Variants in IQGAP2 observed in about 807,000 individuals in gnomAD.
IQGAP2 encodes the protein IQ motif containing GTPase activating protein 2.
Under a neutral mutation model 201.3 loss-of-function variants are expected in IQGAP2, and 173 were observed. The observed-to-expected ratio is 0.86, with a 90% CI of 0.76 to 0.98. IQGAP2 has a LOEUF of 0.98. Ranked by LOEUF, IQGAP2 falls within the 50% of genes least tolerant of loss-of-function variation. IQGAP2 has a pLI of 0.00. For synonymous variants in IQGAP2, 675 were observed against 673.9 expected, an observed-to-expected ratio of 1.00 and a Z score of -0.03; for missense variants, 1,687 against 1,864.8, an observed-to-expected ratio of 0.90 and a Z score of 1.76.
chr5:76,403,659 A>T lies in IQGAP2; in HGVS notation c.46+68A>T. 1 of 1,328,964 alleles carries T rather than the reference A, an allele frequency of 7.5e-7. No individual in the cohort carries two copies. Among genetic ancestry groups the T allele is most frequent in the Non-Finnish European group, 9.9e-7 (1 of 1,006,094 alleles). 82.3% of individuals were successfully genotyped at this position (1,328,964 alleles called of 1,614,324 possible). A position where few individuals can be genotyped will look rare whatever the true frequency, so the allele number is the denominator to read the frequency against. On this transcript the variant is annotated intron_variant, in intron 1 of 35. Transcript: ENST00000274364. The surrounding 1 kb of genome is among the most constrained non-coding windows in gnomAD (Gnocchi z 4.8). The stretch of plus-strand genomic sequence containing the variant: ...GCTCCCTCCCCGAGGACGGCGTTGG[A>T]GAAGCCGAGGGAGCCGGTTGCGCGG...
intron 1 of IQGAP2, among the ~76,000 whole-genome samples, chr5:76,443,488 T>G (rs1397440996): frequency 1.3e-5 from 2 of 149,770 alleles, no homozygotes; most frequent in Non-Finnish European, 3.0e-5. Flanking sequence ...TTTTTTTAAT[T>G]AAAAAAAAAT....
chr5:76,426,922 G>GTGTGTGTA, intron 1 of IQGAP2, among the ~76,000 whole-genome samples: 1 of 151,992 alleles, frequency 6.6e-6, no homozygotes, highest in Admixed American at 6.6e-5. Context: ...GTGTGTGTGT[G>GTGTGTGTA]TGTGTGTGTG....
At chr5:76,489,023 C>T (rs753578527) in intron 2 of IQGAP2, among the ~76,000 whole-genome samples, 1 of 152,214 alleles carries the variant, frequency 6.6e-6, no homozygotes, top group Non-Finnish European at 1.5e-5. Flanking sequence ...CTGGAAAAGG[C>T]TGACCCCAGA....
At chr5:76,657,384 G>A (rs148885606) in intron 20 of IQGAP2, among the ~76,000 whole-genome samples, 12 of 152,294 alleles carry the variant, frequency 7.9e-5, no homozygotes, top group Non-Finnish European at 1.3e-4. Flanking sequence ...TGCTTCAGTG[G>A]TCAGGAAATA....
At chr5:76,496,665 A>G (rs1756906446) in intron 2 of IQGAP2, among the ~76,000 whole-genome samples, 1 of 152,132 alleles carries the variant, frequency 6.6e-6, no homozygotes, top group Non-Finnish European at 1.5e-5. Flanking sequence ...TTCAAACAGT[A>G]GAGGAAAACG....
Position 76,569,459 on chromosome 5 carries a change from C to A in IQGAP2, c.304-1121C>A, listed in dbSNP as rs573486110. 8.6e-5 allele frequency among the ~76,000 whole-genome samples: 13 copies of A among 151,968 alleles called. No homozygotes were observed. In the South Asian group the frequency reaches 2.5e-3, roughly 29 times the overall value. ...AAAAAAAAAATAGGAATGATAATTACCTTTCAGGGTGTTTTGAAAATTAGG... is the reference window on the plus strand; with the variant it reads ...AAAAAAAAAATAGGAATGATAATTAACTTTCAGGGTGTTTTGAAAATTAGG... On this transcript the variant is annotated intron_variant, in intron 3 of 35. Transcript: ENST00000274364.
At chr5:76,497,420 A>G (rs567535277) in intron 2 of IQGAP2, among the ~76,000 whole-genome samples, 102 of 152,350 alleles carry the variant, frequency 6.7e-4, no homozygotes, top group African/African-American at 2.3e-3. Flanking sequence ...AATCTTTTCT[A>G]AAATGTAAAA....
At chr5:76,492,882 G>T (rs527278087) in intron 2 of IQGAP2, among the ~76,000 whole-genome samples, 1 of 152,152 alleles carries the variant, frequency 6.6e-6, no homozygotes, top group African/African-American at 2.4e-5. Flanking sequence ...CACCTTAGTT[G>T]TCACGTTTCT....
At chr5:76,509,629 C>T (rs1181646890) in intron 2 of IQGAP2, among the ~76,000 whole-genome samples, 3 of 152,092 alleles carry the variant, frequency 2.0e-5, no homozygotes, top group Non-Finnish European at 4.4e-5. Flanking sequence ...CTCTTGACCT[C>T]GTGATCCTCC....
chr5:76,446,808 T>A (rs1753417526), intron 1 of IQGAP2, among the ~76,000 whole-genome samples: 1 of 152,222 alleles, frequency 6.6e-6, no homozygotes, highest in Non-Finnish European at 1.5e-5. Context: ...ATGAACAGAC[T>A]TAGCATATCC....
chr5:76,574,145 T>C (rs1745310845), intron 4 of IQGAP2, among the ~76,000 whole-genome samples: 1 of 152,192 alleles, frequency 6.6e-6, no homozygotes, highest in African/African-American at 2.4e-5. Context: ...ATTTTAGTTT[T>C]TGATGTCAGT....
At chr5:76,502,639 T>G (rs1008766152) in intron 2 of IQGAP2, among the ~76,000 whole-genome samples, 3 of 152,352 alleles carry the variant, frequency 2.0e-5, no homozygotes, top group African/African-American at 7.2e-5. Context: ...TTTTTAAAAC[T>G]GTGATTGTGG....
At chr5:76,500,810 G>C (rs1449199427) in intron 2 of IQGAP2, among the ~76,000 whole-genome samples, 1 of 152,122 alleles carries the variant, frequency 6.6e-6, no homozygotes, top group African/African-American at 2.4e-5. Context: ...TCATAGAATA[G>C]CCTTTCCGGT....
At chr5:76,452,177 A>T (rs1753798396) in intron 1 of IQGAP2, among the ~76,000 whole-genome samples, 1 of 147,950 alleles carries the variant, frequency 6.8e-6, no homozygotes, top group Non-Finnish European at 1.5e-5. Flanking sequence ...GATCTACCCG[A>T]GTGCTGGGAT....
intron 5 of IQGAP2, among the ~76,000 whole-genome samples, chr5:76,587,470 C>T (rs1280386021): frequency 6.6e-6 from 1 of 152,152 alleles, no homozygotes; most frequent in African/African-American, 2.4e-5. Context: ...ATAGTACATT[C>T]ATATTCTAGA....
At chr5:76,514,854 G>C (rs1021254087) in intron 2 of IQGAP2, among the ~76,000 whole-genome samples, 2 of 152,184 alleles carry the variant, frequency 1.3e-5, no homozygotes, top group Non-Finnish European at 1.5e-5. Flanking sequence ...TTTTAATACA[G>C]TGGGTCCTTG....
At chr5:76,472,202 G>C (rs1162731125) in intron 2 of IQGAP2, among the ~76,000 whole-genome samples, 1 of 152,230 alleles carries the variant, frequency 6.6e-6, no homozygotes, top group African/African-American at 2.4e-5. Context: ...TCAGGGCCTG[G>C]CACATCCCAA....
intron 2 of IQGAP2, among the ~76,000 whole-genome samples, chr5:76,534,220 GC>G (rs1387298579): frequency 1.3e-5 from 2 of 152,204 alleles, no homozygotes; most frequent in Non-Finnish European, 2.9e-5. Context: ...ATGGTGTGTG[GC>G]CACTAGAATA....
chr5:76,555,948 C>T (rs1224685872), intron 2 of IQGAP2, among the ~76,000 whole-genome samples: 5 of 152,178 alleles, frequency 3.3e-5, no homozygotes, highest in African/African-American at 1.2e-4. Context: ...TGTGGGGCTA[C>T]GAATGCAGAC....
Sources: gnomAD v4.1 joint callset for allele counts (sites outside exome capture counted in the v4.1 genomes callset) on GRCh38, gnomAD v4.1.1 for gene constraint, Gnocchi (gnomAD v3.1) non-coding constraint, MANE v1.5 for transcripts, NCBI Gene and HGNC (gene_info 2026-07-23, HGNC 2026-07-21) for gene names.